GALNTL6: variants seen among roughly 807,000 people sequenced by gnomAD.
GALNTL6 encodes the protein polypeptide N-acetylgalactosaminyltransferase-like 6.
GALNTL6 carries 46 observed loss-of-function variants against 73.7 expected under a neutral mutation model. That is an observed-to-expected ratio of 0.62 (90% CI 0.49 to 0.80). The LOEUF is 0.80. Ranked by LOEUF, GALNTL6 falls within the 30% of genes least tolerant of loss-of-function variation. GALNTL6 has a pLI of 0.00. For missense variants in GALNTL6, 604 were observed against 755.0 expected (o/e 0.80, Z 2.34); for synonymous variants, 259 against 263.7 (o/e 0.98, Z 0.17).
chr4:172,331,874 T>C (rs1741137715), intron 4 of GALNTL6, among the ~76,000 whole-genome samples: 1 of 152,232 alleles, frequency 6.6e-6, no homozygotes. Flanking sequence ...TTAGTTACTT[T>C]TGATAAATCC....
intron 5 of GALNTL6, among the ~76,000 whole-genome samples, chr4:172,432,487 C>T (rs966266984): frequency 3.3e-5 from 5 of 151,918 alleles, no homozygotes; most frequent in Non-Finnish European, 5.9e-5. Context: ...GCACAGAAAC[C>T]TCATCTCAGA....
intron 2 of GALNTL6, among the ~76,000 whole-genome samples, chr4:171,954,987 T>G (rs755098857): frequency 3.9e-5 from 6 of 152,196 alleles, no homozygotes; most frequent in Non-Finnish European, 7.4e-5. Context: ...GTGAGCCAGT[T>G]AAACCTCTTT....
At chr4:172,964,880 CATTCT>C (rs958595525) in intron 10 of GALNTL6, among the ~76,000 whole-genome samples, 1 of 152,230 alleles carries the variant, frequency 6.6e-6, no homozygotes, top group African/African-American at 2.4e-5. Flanking sequence ...GGCTCCCTCA[CATTCT>C]TTTGGGAGAG....
At chr4:172,307,043 T>G in intron 3 of GALNTL6, among the ~76,000 whole-genome samples, 1 of 152,324 alleles carries the variant, frequency 6.6e-6, no homozygotes, top group African/African-American at 2.4e-5. Context: ...TCCATACTGT[T>G]TTCCATAGTG....
At chr4:171,869,772 T>C (rs1013279385) in intron 2 of GALNTL6, among the ~76,000 whole-genome samples, 23 of 152,166 alleles carry the variant, frequency 1.5e-4, no homozygotes, top group African/African-American at 5.6e-4. Context: ...TGCCATATTG[T>C]TCTCGTGGTA....
rs1175277671 is a variant in GALNTL6, at chr4:172,380,810, TTAAAG to T, written c.553+32125_553+32129del. 3.3e-5 allele frequency among the ~76,000 whole-genome samples: 5 copies of T among 152,250 alleles called. 1 individual carries two copies. Among genetic ancestry groups the T allele is most frequent in the African/African-American group, 9.6e-5 (4 of 41,472 alleles). On this transcript the variant is annotated intron_variant, in intron 5 of 12. Transcript: ENST00000506823. ...AATAGACATTTAGAACATCTTATCC[TTAAAG>T]TAATTTCAGTTGTTTTGCTGATTTT...
At chr4:172,191,613 T>C (rs149903573) in intron 2 of GALNTL6, among the ~76,000 whole-genome samples, 2 of 152,328 alleles carry the variant, frequency 1.3e-5, no homozygotes, top group East Asian at 1.9e-4. Context: ...TCCCCAAATA[T>C]ATGGTACTCT....
At chr4:172,786,621 A>G (rs1739666069) in intron 5 of GALNTL6, among the ~76,000 whole-genome samples, 1 of 152,190 alleles carries the variant, frequency 6.6e-6, no homozygotes, top group African/African-American at 2.4e-5. Flanking sequence ...ATTCTTTCCA[A>G]AACTGTCACG....
chr4:172,150,502 A>G (rs1734051104), intron 2 of GALNTL6, among the ~76,000 whole-genome samples: 1 of 152,210 alleles, frequency 6.6e-6, no homozygotes, highest in Non-Finnish European at 1.5e-5. Context: ...AGGGACAGAA[A>G]AATCTTTTTG....
At chr4:172,087,325 G>T (rs890970701) in intron 2 of GALNTL6, among the ~76,000 whole-genome samples, 2 of 151,582 alleles carry the variant, frequency 1.3e-5, no homozygotes, top group African/African-American at 4.8e-5. Flanking sequence ...GGCGCCTGTA[G>T]TCCCAGCTAC....
chr4:172,640,425 T>C (rs1343576016), intron 5 of GALNTL6, among the ~76,000 whole-genome samples: 1 of 152,148 alleles, frequency 6.6e-6, no homozygotes. Context: ...ATGCCATTTA[T>C]ATGGTATATT....
At chr4:172,940,587 T>A (rs1299451794) in intron 9 of GALNTL6, among the ~76,000 whole-genome samples, 1 of 152,100 alleles carries the variant, frequency 6.6e-6, no homozygotes, top group Admixed American at 6.6e-5. Context: ...GGTCTCGATC[T>A]CTTGACCTCA....
intron 9 of GALNTL6, among the ~76,000 whole-genome samples, chr4:172,939,389 C>G (rs145828264): frequency 0.017 from 2,603 of 152,198 alleles, 63 homozygotes; most frequent in Non-Finnish European, 0.017. Flanking sequence ...AATAATGTTT[C>G]ATTATTCTCT....
At chr4:172,717,719 A>G (rs1238533893) in intron 5 of GALNTL6, among the ~76,000 whole-genome samples, 3 of 152,210 alleles carry the variant, frequency 2.0e-5, no homozygotes, top group African/African-American at 7.2e-5. Context: ...CATGAATAGA[A>G]CTAATGCCAT....
At chr4:172,890,681 G>A (rs984863392) in intron 8 of GALNTL6, among the ~76,000 whole-genome samples, 4 of 152,278 alleles carry the variant, frequency 2.6e-5, no homozygotes, top group African/African-American at 9.6e-5. Flanking sequence ...CTGTTAAGTG[G>A]GGTATTCTGT....
intron 2 of GALNTL6, among the ~76,000 whole-genome samples, chr4:172,206,857 G>T (rs575257392): frequency 8.6e-6 from 1 of 116,448 alleles, no homozygotes; most frequent in Non-Finnish European, 1.6e-5. Flanking sequence ...TCACTCTGTC[G>T]CCCAGGCTGG....
At chr4:172,026,732 A>T (rs1741597847) in intron 2 of GALNTL6, among the ~76,000 whole-genome samples, 1 of 152,060 alleles carries the variant, frequency 6.6e-6, no homozygotes, top group Non-Finnish European at 1.5e-5. Context: ...ACTCAGTTTG[A>T]ATGACTTTTA....
intron 2 of GALNTL6, among the ~76,000 whole-genome samples, chr4:171,905,990 A>G (rs1207077076): frequency 1.3e-5 from 2 of 152,022 alleles, no homozygotes; most frequent in Non-Finnish European, 2.9e-5. Context: ...ACACATTCAA[A>G]GCAGTGTGTA....
At chr4:173,028,223 A>C (rs1441062191) in intron 12 of GALNTL6, among the ~76,000 whole-genome samples, 2 of 152,198 alleles carry the variant, frequency 1.3e-5, no homozygotes, top group African/African-American at 4.8e-5. Context: ...AAGAAGGAAA[A>C]AAAAGTACTA....
Sources: allele counts gnomAD v4.1 joint callset (sites outside exome capture counted in the v4.1 genomes callset), GRCh38; gene constraint gnomAD v4.1.1; transcripts MANE v1.5; gene names NCBI Gene and HGNC (gene_info 2026-07-23, HGNC 2026-07-21).